BIN1: variants seen among roughly 807,000 people sequenced by gnomAD.
BIN1 encodes myc box-dependent-interacting protein 1.
Under a neutral mutation model 82.0 loss-of-function variants are expected in BIN1, and 53 were observed. That is an observed-to-expected ratio of 0.65 (90% CI 0.52 to 0.81). The LOEUF is 0.81. Among genes scored for constraint, BIN1 ranks in the 40% least tolerant of loss-of-function variants. The probability of loss-of-function intolerance (pLI) is 0.00; values close to 1 mark genes in which losing one functional copy is unlikely to be tolerated. For missense variants in BIN1, 642 were observed against 784.4 expected, an observed-to-expected ratio of 0.82 and a Z score of 2.17; for synonymous variants, 302 against 328.0, an observed-to-expected ratio of 0.92 and a Z score of 0.86.
intron 2 of BIN1, among the ~76,000 whole-genome samples, chr2:127,072,128 T>C (rs75836995): frequency 0.17 from 25,709 of 152,200 alleles, 2,442 homozygotes; most frequent in Middle Eastern, 0.24. Context: ...CCTGCAGCGC[T>C]CCAGTCTGGC....
intron 1 of BIN1, among the ~76,000 whole-genome samples, chr2:127,099,859 A>T (rs1172371452): frequency 6.1e-5 from 9 of 148,036 alleles, no homozygotes; most frequent in African/African-American, 2.3e-4. Context: ...GCCGGAGTGC[A>T]GTGGTGTGAT....
At chr2:127,053,350 G>A (rs1419784723) in intron 14 of BIN1, 72 bp downstream of exon 14, 2 of 1,588,984 alleles carry the variant, frequency 1.3e-6, no homozygotes, top group Admixed American at 1.7e-5. Flanking sequence ...CAGGCTAGGA[G>A]CATGTGGGCC....
rs2105048353 is a variant in BIN1 at position 127,068,118 on chromosome 2, A to G, written c.612+45T>C. 6.3e-7 allele frequency: 1 copy of G among 1,579,590 alleles called. No homozygotes were observed. The highest frequency in any genetic ancestry group is 1.7e-4 in the Middle Eastern group (1 of 6,014). On this transcript the variant is annotated intron_variant, in intron 7 of 18. Coordinates refer to ENST00000316724, the MANE Select transcript of BIN1 (RefSeq NM_139343.3). This position sits in a 1 kb window ranked among gnomAD's most constrained non-coding sequence, Gnocchi z 4.9. ...CCGCAGGGCGAGAGGACAGGACGACAGACCGGAAGGCGCCAGCACGTGCAA... is the reference window on the plus strand; with the variant it reads ...CCGCAGGGCGAGAGGACAGGACGACGGACCGGAAGGCGCCAGCACGTGCAA...
At chr2:127,081,835 C>T (rs1309587224) in intron 1 of BIN1, 1 of 1,288,164 alleles carries the variant, frequency 7.8e-7, no homozygotes, top group East Asian at 5.6e-5. Context: ...CCCTCACCTT[C>T]CGCATCATCT....
intron 2 of BIN1, 118 bp from the exon 3 acceptor site, chr2:127,070,934 G>T: frequency 9.7e-7 from 1 of 1,031,546 alleles, no homozygotes; most frequent in Non-Finnish European, 1.4e-6. Context: ...AGCAGCCACT[G>T]ATCAGCTGAC....
At chr2:127,072,461 C>T (rs553823133) in intron 2 of BIN1, among the ~76,000 whole-genome samples, 22 of 152,258 alleles carry the variant, frequency 1.4e-4, no homozygotes, top group South Asian at 6.2e-4. Flanking sequence ...AGCCTGGGCA[C>T]GCAGCCCGCA....
chr2:127,052,344 C>G lies in BIN1; in HGVS notation c.1282G>C (p.Gly428Arg), dbSNP rs200124094. 4.4e-6 allele frequency: 7 copies of G among 1,582,020 alleles called. No homozygotes were observed. The highest frequency in any genetic ancestry group is 6.0e-6 in the Non-Finnish European group (7 of 1,164,692). The change falls in exon 15 of 19, where the codon GGC (glycine) becomes CGC (arginine). Residue 428 changes from glycine to arginine, a missense_variant. Transcript: ENST00000316724. ...CTGGGCTCCCCGGAAGGCAGGCTGC[C>G]GGCTGGACTCTCTGTGGGCTGGTAA... The part of the protein sequence containing the change: ...DLWEPTESPA[G>R]SLPSGEPSAA...
intron 13 of BIN1, 47 bp downstream of exon 13, chr2:127,053,858 G>A: frequency 6.5e-7 from 1 of 1,528,790 alleles, no homozygotes; most frequent in Non-Finnish European, 8.9e-7. Context: ...CCAGGGTTGG[G>A]CACCTGGAAG....
At chr2:127,064,567 TCCCACAAAGCC>T (rs1684908545) in intron 7 of BIN1, among the ~76,000 whole-genome samples, 1 of 152,132 alleles carries the variant, frequency 6.6e-6, no homozygotes, top group Non-Finnish European at 1.5e-5. Flanking sequence ...GGATGGTCCT[TCCCACAAAGCC>T]CTCTCCTGGG....
chr2:127,066,538 C>T (rs1185856971), intron 7 of BIN1, among the ~76,000 whole-genome samples: 1 of 152,224 alleles, frequency 6.6e-6, no homozygotes, highest in Admixed American at 6.5e-5. Context: ...CGTCAGTAGT[C>T]CCATTCCCTT....
intron 18 of BIN1, among the ~76,000 whole-genome samples, chr2:127,049,791 G>C (rs942393744): frequency 3.3e-5 from 5 of 152,236 alleles, no homozygotes; most frequent in Non-Finnish European, 5.9e-5. Context: ...AGACCTAGGA[G>C]GGACACACTT....
chr2:127,081,737 C>A, intron 1 of BIN1: 1 of 1,219,258 alleles, frequency 8.2e-7, no homozygotes, highest in African/African-American at 1.7e-5. Flanking sequence ...CCCACCCCCA[C>A]ACACACATGG....
intron 1 of BIN1, among the ~76,000 whole-genome samples, chr2:127,083,727 C>T (rs899161259): frequency 1.4e-4 from 21 of 152,182 alleles, no homozygotes; most frequent in Admixed American, 2.0e-4. Context: ...GAATATTCCC[C>T]GTATGCCTAT....
intron 1 of BIN1, among the ~76,000 whole-genome samples, chr2:127,080,220 C>G (rs1469930858): frequency 6.6e-6 from 1 of 152,246 alleles, no homozygotes; most frequent in East Asian, 1.9e-4. Flanking sequence ...AGAACAGGAG[C>G]TGGGACAAGG....
chr2:127,049,046 A>C (rs1682533330), intron 18 of BIN1, among the ~76,000 whole-genome samples: 1 of 152,188 alleles, frequency 6.6e-6, no homozygotes, highest in Non-Finnish European at 1.5e-5. Flanking sequence ...CCTTTGCTTC[A>C]ATCCTGACAC....
Position 127,048,995 on chromosome 2 carries a change from G to A in BIN1, c.1675-362C>T, listed in dbSNP as rs557664649. Among the ~76,000 whole-genome samples the A allele has an allele frequency of 3.3e-5, 5 of 152,356 alleles. No homozygotes were observed. In the South Asian group the frequency reaches 1.0e-3, roughly 32 times the overall value. ...GACAACAAGTTACAAGTTCTAGAGG[G>A]ACTTGGGGCCATCCCACCAGTCCCT... is the stretch of plus-strand genomic sequence containing the variant. On this transcript the variant is annotated intron_variant, in intron 18 of 18. Transcript: ENST00000316724.
intron 9 of BIN1, among the ~76,000 whole-genome samples, chr2:127,063,084 A>G (rs1005256224): frequency 5.3e-5 from 8 of 152,250 alleles, no homozygotes; most frequent in African/African-American, 1.9e-4. Context: ...GGTTAAAATG[A>G]AAATAACACA....
rs1010335388 is a variant in BIN1, at chr2:127,068,350, C to T, written c.520-95G>A. Reference sequence around the variant, plus strand: ...CACAGATTAAATGCAGGTCCACACGCCCCACGCGCGGGGGCCACCCCAAGC... The same window carrying T: ...CACAGATTAAATGCAGGTCCACACGTCCCACGCGCGGGGGCCACCCCAAGC... On this transcript the variant is annotated intron_variant, in intron 6 of 18. Coordinates refer to ENST00000316724, the MANE Select transcript of BIN1 (RefSeq NM_139343.3). This position sits in a 1 kb window ranked among gnomAD's most constrained non-coding sequence, Gnocchi z 4.9. 3.9e-6 allele frequency: 4 copies of T among 1,036,798 alleles called. No homozygotes were observed. The highest frequency in any genetic ancestry group is 5.7e-6 in the Non-Finnish European group (4 of 697,910). The allele number at this position is 1,036,798 out of a possible 1,614,324, so 64.2% of individuals were successfully genotyped here.
rs2105057122 is a variant in BIN1, at chr2:127,068,853, C to T, written c.519+71G>A. ...GGCCAGGCAGGAGGAAGCCTCCACC[C>T]TCGGGGTCCTAGACACCCGCCCTCT... On this transcript the variant is annotated intron_variant, in intron 6 of 18. Coordinates refer to ENST00000316724, the MANE Select transcript of BIN1 (RefSeq NM_139343.3). The surrounding 1 kb of genome is among the most constrained non-coding windows in gnomAD (Gnocchi z 4.9). 1 of 1,435,720 alleles carries T rather than the reference C, an allele frequency of 7.0e-7. No individual in the cohort carries two copies. The highest frequency in any genetic ancestry group is 1.1e-5 in the South Asian group (1 of 87,238). The allele number at this position is 1,435,720 out of a possible 1,614,324, so 88.9% of individuals were successfully genotyped here. A position where few individuals can be genotyped will look rare whatever the true frequency, so the allele number is the denominator to read the frequency against.
Sources: allele counts gnomAD v4.1 joint callset (sites outside exome capture counted in the v4.1 genomes callset), GRCh38; gene constraint gnomAD v4.1.1; non-coding constraint Gnocchi (gnomAD v3.1); transcripts MANE v1.5; gene names NCBI Gene and HGNC (gene_info 2026-07-23, HGNC 2026-07-21).